Variants in RBMS1 observed in about 807,000 individuals in gnomAD.
The protein encoded by RBMS1 is RNA-binding motif, single-stranded-interacting protein 1.
A neutral mutation model predicts 62.3 loss-of-function variants in RBMS1; 17 were observed. The observed-to-expected ratio is 0.27, with a 90% confidence interval of 0.19 to 0.41. The LOEUF is 0.41. RBMS1 is among the 10% of genes least tolerant of loss of function. RBMS1 has a pLI of 1.00. For missense variants in RBMS1, 334 were observed against 504.5 expected, an observed-to-expected ratio of 0.66 and a Z score of 3.24; for synonymous variants, 172 against 170.0, an observed-to-expected ratio of 1.01 and a Z score of -0.09.
intron 2 of RBMS1, among the ~76,000 whole-genome samples, chr2:160,354,556 C>A (rs1692691287): frequency 6.6e-6 from 1 of 152,110 alleles, no homozygotes; most frequent in Non-Finnish European, 1.5e-5. Context: ...GGCTAGCAGG[C>A]CCAATTTGTT....
At chr2:160,374,049 G>T (rs1364541085) in intron 1 of RBMS1, among the ~76,000 whole-genome samples, 1 of 152,008 alleles carries the variant, frequency 6.6e-6, no homozygotes, top group Non-Finnish European at 1.5e-5. Context: ...AAGGTGGGAG[G>T]ATCACTTGAG....
At position 160,332,981 on chromosome 2, in the gene RBMS1, C is replaced by T. The variant is rs78572382; in HGVS notation, c.252-14754G>A. 3.3e-3 allele frequency among the ~76,000 whole-genome samples: 507 copies of T among 151,766 alleles called. 4 individuals carry two copies. The highest frequency in any genetic ancestry group is 0.012 in the African/African-American group (484 of 41,404). On this transcript the variant is annotated intron_variant, in intron 2 of 13. Coordinates refer to ENST00000348849, the MANE Select transcript of RBMS1 (RefSeq NM_016836.4). ...ACTCATATGTGCATATGTCTATACA[C>T]ACACATACATAAAATAAGTATAAAC...
chr2:160,358,394 G>T (rs1262300068), intron 2 of RBMS1, among the ~76,000 whole-genome samples: 1 of 152,080 alleles, frequency 6.6e-6, no homozygotes, highest in African/African-American at 2.4e-5. Flanking sequence ...ACACTTTTCA[G>T]CAAAATGCTC....
chr2:160,377,907 A>C (rs1694083554), intron 1 of RBMS1, among the ~76,000 whole-genome samples: 1 of 152,258 alleles, frequency 6.6e-6, no homozygotes, highest in Admixed American at 6.5e-5. Context: ...CACTGCTGTC[A>C]TAAAGCACCA....
intron 1 of RBMS1, among the ~76,000 whole-genome samples, chr2:160,463,207 C>G (rs1684542702): frequency 6.6e-6 from 1 of 152,102 alleles, no homozygotes; most frequent in African/African-American, 2.4e-5. Flanking sequence ...ATAACCTGTT[C>G]TAGAAAAAAG....
intron 1 of RBMS1, among the ~76,000 whole-genome samples, chr2:160,381,496 A>T (rs1694281962): frequency 6.6e-6 from 1 of 152,190 alleles, no homozygotes; most frequent in African/African-American, 2.4e-5. Flanking sequence ...GCATCAAGCT[A>T]AATGCATTCT....
At position 160,274,539 on chromosome 2, in the gene RBMS1, T is replaced by TA. The variant is rs1282049903; in HGVS notation, c.*232dup. The TA allele has an allele frequency of 6.8e-6, 1 of 146,068 alleles. No homozygotes were observed. The highest frequency in any genetic ancestry group is 1.5e-5 in the Non-Finnish European group (1 of 66,186). The allele number at this position is 146,068 out of a possible 1,614,324, so 9.0% of individuals were successfully genotyped here. ...TTTTTGTTTTTTGTTTTTTTTTTTT[T>TA]ACTAAAATAAACCTGTTCGGGGGAA... On this transcript the variant is annotated 3_prime_UTR_variant, in exon 14 of 14. Coordinates refer to ENST00000348849, the MANE Select transcript of RBMS1 (RefSeq NM_016836.4).
rs529808217 is a variant in RBMS1, at chr2:160,274,275, A to G, written c.*497T>C. 6.6e-6 allele frequency: 1 copy of G among 152,658 alleles called. No homozygotes were observed. Among genetic ancestry groups the G allele is most frequent in the Non-Finnish European group, 1.5e-5 (1 of 67,994 alleles). 9.5% of individuals were successfully genotyped at this position (152,658 alleles called of 1,614,324 possible). Reference sequence around the variant, plus strand: ...AACACTGAATTACAGCAACACTCGCACTGCAAGCACAGAACACCATGGGTG... The same window carrying G: ...AACACTGAATTACAGCAACACTCGCGCTGCAAGCACAGAACACCATGGGTG... On this transcript the variant is annotated 3_prime_UTR_variant, in exon 14 of 14. Coordinates refer to ENST00000348849, the MANE Select transcript of RBMS1 (RefSeq NM_016836.4).
chr2:160,433,584 A>G (rs1165273086), intron 1 of RBMS1, among the ~76,000 whole-genome samples: 1 of 152,240 alleles, frequency 6.6e-6, no homozygotes, highest in Non-Finnish European at 1.5e-5. Flanking sequence ...ACACTGAGGT[A>G]TAATTTTGAT....
intron 1 of RBMS1, among the ~76,000 whole-genome samples, chr2:160,400,548 A>G (rs370730991): frequency 3.3e-4 from 51 of 152,260 alleles, no homozygotes; most frequent in African/African-American, 1.2e-3. Flanking sequence ...GCTGTAAGTC[A>G]AATGAAAACA....
intron 1 of RBMS1, among the ~76,000 whole-genome samples, chr2:160,396,386 T>C (rs1695138964): frequency 6.6e-6 from 1 of 152,122 alleles, no homozygotes. Context: ...ACCTCAGTTC[T>C]TACTAGGTGC....
chr2:160,481,220 T>G (rs1685356836), intron 1 of RBMS1, among the ~76,000 whole-genome samples: 1 of 151,972 alleles, frequency 6.6e-6, no homozygotes, highest in African/African-American at 2.4e-5. Flanking sequence ...ACAGCCATAC[T>G]GGGGCACCGG....
Position 160,439,020 on chromosome 2 carries a change from A to G in RBMS1, c.75+54269T>C, listed in dbSNP as rs565786784. On this transcript the variant is annotated intron_variant, in intron 1 of 13. Transcript: ENST00000348849. ...GGGCGGCTGGCCAGGCGGGGGGCTG[A>G]CCCCCCAATCTCCCTCCTGGACGGG... Among the ~76,000 whole-genome samples the G allele has an allele frequency of 1.5e-5, 2 of 136,676 alleles. 1 individual carries two copies. Among genetic ancestry groups the G allele is most frequent in the South Asian group, 4.8e-4 (2 of 4,124 alleles). 89.7% of individuals were successfully genotyped at this position (136,676 alleles called of 152,430 possible).
At chr2:160,439,843 A>G (rs1683326110) in intron 1 of RBMS1, among the ~76,000 whole-genome samples, 1 of 152,186 alleles carries the variant, frequency 6.6e-6, no homozygotes, top group South Asian at 2.1e-4. Flanking sequence ...ACTCGCGGTT[A>G]GGAGCTGGAG....
At chr2:160,453,003 A>G (rs1684057678) in intron 1 of RBMS1, among the ~76,000 whole-genome samples, 1 of 152,194 alleles carries the variant, frequency 6.6e-6, no homozygotes, top group Non-Finnish European at 1.5e-5. Flanking sequence ...TGCTTACCTT[A>G]CAGGACTCAC....
chr2:160,334,869 C>T (rs1318325853), intron 2 of RBMS1, among the ~76,000 whole-genome samples: 1 of 151,806 alleles, frequency 6.6e-6, no homozygotes, highest in Non-Finnish European at 1.5e-5. Context: ...GAAAACACAA[C>T]CCAAAACGGT....
chr2:160,401,810 G>T (rs1043588569), intron 1 of RBMS1, among the ~76,000 whole-genome samples: 1 of 152,148 alleles, frequency 6.6e-6, no homozygotes. Context: ...AGAAAGGATT[G>T]AAAGTCTTCC....
intron 2 of RBMS1, among the ~76,000 whole-genome samples, chr2:160,353,979 T>C (rs1279445682): frequency 2.0e-5 from 3 of 151,814 alleles, no homozygotes; most frequent in African/African-American, 7.3e-5. Flanking sequence ...CACAGAGAGG[T>C]TGAGAAATTT....
At chr2:160,331,600 T>A (rs1038021366) in intron 2 of RBMS1, among the ~76,000 whole-genome samples, 1 of 152,130 alleles carries the variant, frequency 6.6e-6, no homozygotes, top group African/African-American at 2.4e-5. Context: ...AGTGGAGGAA[T>A]AAATAAATAA....
Sources: gnomAD v4.1 joint callset for allele counts (sites outside exome capture counted in the v4.1 genomes callset) on GRCh38, gnomAD v4.1.1 for gene constraint, MANE v1.5 for transcripts, NCBI Gene and HGNC (gene_info 2026-07-23, HGNC 2026-07-21) for gene names.